The following CCDC7 variants were observed in gnomAD, a reference collection of about 807,000 sequenced individuals.
CCDC7 encodes the protein coiled-coil domain-containing protein 7.
Under a neutral mutation model 196.9 loss-of-function variants are expected in CCDC7, and 183 were observed. That is an observed-to-expected ratio of 0.93 (90% CI 0.82 to 1.05). CCDC7 has a LOEUF of 1.05. Ranked by LOEUF, CCDC7 falls within the 50% of genes least tolerant of loss-of-function variation. The pLI, the probability that CCDC7 is intolerant of heterozygous loss-of-function variation, is 0.00. For synonymous variants in CCDC7, 525 were observed against 484.6 expected, an observed-to-expected ratio of 1.08 and a Z score of -1.10; for missense variants, 1,540 against 1,482.2, an observed-to-expected ratio of 1.04 and a Z score of -0.64.
chr10:32,753,177 A>C (rs1251967617), intron 28 of CCDC7, among the ~76,000 whole-genome samples: 1 of 152,172 alleles, frequency 6.6e-6, no homozygotes, highest in African/African-American at 2.4e-5. Context: ...CAATGGACTC[A>C]AAATCAGAAG....
At chr10:32,643,597 C>A (rs776684524) in intron 20 of CCDC7, among the ~76,000 whole-genome samples, 1 of 151,430 alleles carries the variant, frequency 6.6e-6, no homozygotes, top group Admixed American at 6.6e-5. Flanking sequence ...TAATTTATTT[C>A]TTTATGTTGG....
intron 32 of CCDC7, among the ~76,000 whole-genome samples, chr10:32,828,516 G>GA (rs2091692265): frequency 6.7e-6 from 1 of 148,434 alleles, no homozygotes; most frequent in Non-Finnish European, 1.5e-5. Flanking sequence ...AGAAGAAGAA[G>GA]AAGAAGAAGA....
intron 13 of CCDC7, among the ~76,000 whole-genome samples, chr10:32,562,211 C>T (rs1181046780): frequency 6.6e-6 from 1 of 152,168 alleles, no homozygotes; most frequent in Non-Finnish European, 1.5e-5. Context: ...CAGCCGAATT[C>T]TACCAGAGGT....
At chr10:32,482,847 C>A (rs1589029129) in intron 8 of CCDC7, among the ~76,000 whole-genome samples, 1 of 152,284 alleles carries the variant, frequency 6.6e-6, no homozygotes, top group East Asian at 1.9e-4. Flanking sequence ...TTTATGGCTG[C>A]ATAGTATTCC....
At chr10:32,644,959 A>T (rs2067493216) in intron 20 of CCDC7, among the ~76,000 whole-genome samples, 1 of 152,322 alleles carries the variant, frequency 6.6e-6, no homozygotes, top group East Asian at 1.9e-4. Flanking sequence ...TTTCTTTGCA[A>T]ATTACCCAGT....
chr10:32,505,889 C>A (rs1461771135), intron 9 of CCDC7, among the ~76,000 whole-genome samples: 1 of 144,512 alleles, frequency 6.9e-6, no homozygotes, highest in Non-Finnish European at 1.5e-5. Context: ...GGCTGCCAGT[C>A]AGAGGCGCTC....
At chr10:32,504,381 G>A (rs999816990) in intron 9 of CCDC7, among the ~76,000 whole-genome samples, 1 of 152,056 alleles carries the variant, frequency 6.6e-6, no homozygotes, top group African/African-American at 2.4e-5. Flanking sequence ...CCAAAGTGCT[G>A]GGATTACAGG....
intron 25 of CCDC7, among the ~76,000 whole-genome samples, chr10:32,723,440 G>A (rs186786814): frequency 1.1e-3 from 160 of 152,212 alleles, no homozygotes; most frequent in African/African-American, 3.5e-3. Flanking sequence ...ACTGAGTCTT[G>A]TTAACAGTCT....
intron 3 of CCDC7, among the ~76,000 whole-genome samples, chr10:32,460,230 G>A (rs979004054): frequency 6.6e-6 from 1 of 152,184 alleles, no homozygotes; most frequent in East Asian, 1.9e-4. Flanking sequence ...TGACGTATAT[G>A]TGTATTTAAT....
intron 31 of CCDC7, among the ~76,000 whole-genome samples, chr10:32,818,138 G>A (rs942397656): frequency 2.0e-5 from 3 of 152,116 alleles, no homozygotes; most frequent in Non-Finnish European, 4.4e-5. Context: ...AAGGGATGGA[G>A]GAAGATCTAC....
At chr10:32,623,056 CTCA>C (rs1400954770) in intron 18 of CCDC7, among the ~76,000 whole-genome samples, 2 of 152,064 alleles carry the variant, frequency 1.3e-5, no homozygotes, top group Admixed American at 1.3e-4. Flanking sequence ...GTTTTATTTT[CTCA>C]TCAAGTTTTC....
chr10:32,728,360 A>G (rs2083427130), intron 26 of CCDC7, among the ~76,000 whole-genome samples: 1 of 152,108 alleles, frequency 6.6e-6, no homozygotes, highest in South Asian at 2.1e-4. Context: ...TTTAGAAGTA[A>G]CAGCAGTCAT....
intron 8 of CCDC7, among the ~76,000 whole-genome samples, chr10:32,478,038 T>C (rs573866560): frequency 1.3e-5 from 2 of 152,336 alleles, no homozygotes; most frequent in South Asian, 4.1e-4. Flanking sequence ...CTTTTCCTCA[T>C]ATAGATCTCG....
rs565842613 is a variant in CCDC7, at chr10:32,757,372, T to C, written c.2906-21605T>C. Among the ~76,000 whole-genome samples, 5 of 152,162 alleles carry C rather than the reference T, an allele frequency of 3.3e-5. No individual in the cohort carries two copies. The East Asian group carries it at 7.7e-4, about 23-fold the overall frequency. On this transcript the variant is annotated intron_variant, in intron 28 of 41. Transcript: ENST00000639629. ...TGGAAGCAAAGCACTCCTCAGCAAA[T>C]GTAAAAAAACAGAAATTATAACAAA...
At chr10:32,845,904 T>C in exon 36 of CCDC7, 1 of 1,612,088 alleles carries the variant, frequency 6.2e-7, no homozygotes, top group Non-Finnish European at 8.5e-7. Flanking sequence ...TGGCAGATGC[T>C]ATTGGAAGAG....
chr10:32,760,976 G>C (rs1384501669), intron 28 of CCDC7, among the ~76,000 whole-genome samples: 2 of 151,882 alleles, frequency 1.3e-5, no homozygotes, highest in African/African-American at 4.8e-5. Context: ...TAGTCATGGT[G>C]ATATTCAGTA....
chr10:32,581,728 C>T (rs903303847), intron 16 of CCDC7, among the ~76,000 whole-genome samples: 5 of 152,116 alleles, frequency 3.3e-5, no homozygotes, highest in African/African-American at 4.8e-5. Context: ...TGTATTGCCA[C>T]ATATTTTCTC....
intron 22 of CCDC7, among the ~76,000 whole-genome samples, chr10:32,686,433 C>T (rs887234138): frequency 6.6e-6 from 1 of 152,162 alleles, no homozygotes; most frequent in East Asian, 1.9e-4. Context: ...TTCCATTTGG[C>T]ATCAATCAGT....
chr10:32,612,154 C>G (rs2138793515), intron 18 of CCDC7, among the ~76,000 whole-genome samples: 1 of 152,202 alleles, frequency 6.6e-6, no homozygotes, highest in East Asian at 1.9e-4. Context: ...AAGTTGTATT[C>G]CTAGGTATTT....
Sources: gnomAD v4.1 joint callset for allele counts (sites outside exome capture counted in the v4.1 genomes callset) on GRCh38, gnomAD v4.1.1 for gene constraint, MANE v1.5 for transcripts, NCBI Gene and HGNC (gene_info 2026-07-23, HGNC 2026-07-21) for gene names.